The following SLC35E2B variants were observed in gnomAD, a reference collection of about 807,000 sequenced individuals.
The protein encoded by SLC35E2B is solute carrier family 35 member E2B.
Under a neutral mutation model 32.4 loss-of-function variants are expected in SLC35E2B, and 18 were observed. The observed-to-expected ratio is 0.56, with a 90% CI of 0.38 to 0.82. The LOEUF is 0.82. Ranked by LOEUF, SLC35E2B falls within the 40% of genes least tolerant of loss-of-function variation. The pLI, the probability that SLC35E2B is intolerant of heterozygous loss-of-function variation, is 0.00. For synonymous variants in SLC35E2B, 132 were observed against 209.1 expected (o/e 0.63, Z 3.18); for missense variants, 263 against 469.5 (o/e 0.56, Z 4.06).
Position 1,669,529 on chromosome 1 carries a change from A to G in SLC35E2B, c.834+135T>C, listed in dbSNP as rs111268537. On this transcript the variant is annotated intron_variant, in intron 8 of 9. Coordinates refer to ENST00000617444, the MANE Select transcript of SLC35E2B (RefSeq NM_001290264.2). ...CCCCGAGTGGCTCCCAGGGCAACTC[A>G]GCTAAGCAGGACCCGCAGCGGAGCT... 40 of 806,318 alleles carry G rather than the reference A, an allele frequency of 5.0e-5. No homozygotes were observed. The African/African-American group carries it at 5.7e-4, about 11-fold the overall frequency. The allele number at this position is 806,318 out of a possible 1,614,324, so 49.9% of individuals were successfully genotyped here. A position where few individuals can be genotyped will look rare whatever the true frequency, so the allele number is the denominator to read the frequency against.
chr1:1,692,219 T>C (rs1415176064), intron 1 of SLC35E2B, among the ~76,000 whole-genome samples: 1 of 134,796 alleles, frequency 7.4e-6, no homozygotes, highest in Non-Finnish European at 1.6e-5. Context: ...GGGGTCGCCG[T>C]GGACTCCCGG....
chr1:1,678,841 G>C (rs1445174655), intron 2 of SLC35E2B, among the ~76,000 whole-genome samples: 2 of 152,204 alleles, frequency 1.3e-5, no homozygotes, highest in Admixed American at 6.5e-5. Flanking sequence ...GAGCCAGGGA[G>C]CTAGGAGACT....
chr1:1,688,422 C>T (rs1385295452), intron 2 of SLC35E2B, among the ~76,000 whole-genome samples: 1 of 151,868 alleles, frequency 6.6e-6, no homozygotes, highest in Non-Finnish European at 1.5e-5. Flanking sequence ...CTGGCCAACA[C>T]AGTCAAACCC....
rs749969392 is a variant in SLC35E2B at position 1,665,869 on chromosome 1, C to T, written c.1131G>A (p.Ala377=). 40 of 1,550,850 alleles carry T rather than the reference C, an allele frequency of 2.6e-5. No homozygotes were observed. The highest frequency in any genetic ancestry group is 7.8e-5 in the Admixed American group (4 of 50,990). ...CAGTGGCTGCAGCCAGGCTCTGCAG[C>T]GCCTCCTGCTGGTGTTGCCTGGCTT... is the stretch of plus-strand genomic sequence containing the variant. ...YNKARQHQQE[A]LQSLAAATGR... is the part of the protein sequence containing the mutation. Residue 377 remains alanine (A), a synonymous_variant, in exon 10 of 10, where the codon GCG becomes GCA. Coordinates refer to ENST00000617444, the MANE Select transcript of SLC35E2B (RefSeq NM_001290264.2).
At chr1:1,669,143 G>C (rs1557752099) in intron 8 of SLC35E2B, among the ~76,000 whole-genome samples, 1 of 152,046 alleles carries the variant, frequency 6.6e-6, no homozygotes, top group African/African-American at 2.4e-5. Context: ...ACAGCTAATG[G>C]ATTAAAATCC....
chr1:1,677,958 G>A (rs1400761637), intron 2 of SLC35E2B, among the ~76,000 whole-genome samples: 1 of 151,184 alleles, frequency 6.6e-6, no homozygotes. Flanking sequence ...CCGCAGCACC[G>A]AGACCCCACC....
intron 5 of SLC35E2B, chr1:1,674,102 C>T (rs1643778529): frequency 1.2e-5 from 2 of 173,766 alleles, no homozygotes; most frequent in Admixed American, 6.0e-5. Flanking sequence ...AGTATGTCGT[C>T]TATTGCTTAG....
intron 9 of SLC35E2B, among the ~76,000 whole-genome samples, chr1:1,667,516 T>C (rs1191225016): frequency 6.6e-6 from 1 of 152,170 alleles, no homozygotes; most frequent in Non-Finnish European, 1.5e-5. Context: ...TCCTCCCCGT[T>C]TCTAGAGCTG....
chr1:1,665,375 C>G lies in SLC35E2B; in HGVS notation c.*407G>C, dbSNP rs1211145685. The G allele has an allele frequency of 2.3e-6, 1 of 437,786 alleles. No homozygotes were observed. The highest frequency in any genetic ancestry group is 2.0e-5 in the African/African-American group (1 of 49,466). The allele number at this position is 437,786 out of a possible 1,614,324, so 27.1% of individuals were successfully genotyped here. On this transcript the variant is annotated 3_prime_UTR_variant, in exon 10 of 10. Transcript: ENST00000617444. Reference sequence around the variant, plus strand: ...TGCCGCCGGTCCAGGGCCTCAGGGCCTTCGATGGCTGGTGTGGGAAGCCGA... The same window carrying G: ...TGCCGCCGGTCCAGGGCCTCAGGGCGTTCGATGGCTGGTGTGGGAAGCCGA...
chr1:1,685,108 C>CAA (rs202244077), intron 2 of SLC35E2B, among the ~76,000 whole-genome samples: 3 of 118,912 alleles, frequency 2.5e-5, no homozygotes, highest in Non-Finnish European at 3.4e-5. Flanking sequence ...AACTCCGTCT[C>CAA]AAAAAAAAAA....
rs1406554894 is a variant in SLC35E2B at position 1,669,677 on chromosome 1, C to T, written c.821G>A (p.Arg274Gln). Residue 274 changes from arginine to glutamine, a missense_variant, in exon 8 of 10, where the codon CGG becomes CAG. By Grantham distance (43) the Arg-to-Gln change is conservative. This residue lies in a region of SLC35E2B where 129 missense variants were observed against 164.5 expected (regional missense o/e 0.78). Transcript: ENST00000617444. Reference sequence around the variant, plus strand: ...TCTGAAACCCACCGTAAAGAAAACCCGGGCCGGGACGAGCATGGCCACCGC... The same window carrying T: ...TCTGAAACCCACCGTAAAGAAAACCTGGGCCGGGACGAGCATGGCCACCGC... The part of the protein sequence containing the change: ...AAAVAMLVPA[R>Q]VFFTDVPVIG... 13 of 1,527,088 alleles carry T rather than the reference C, an allele frequency of 8.5e-6. No individual in the cohort carries two copies. Among genetic ancestry groups the T allele is most frequent in the South Asian group, 2.4e-5 (2 of 83,480 alleles). The allele number at this position is 1,527,088 out of a possible 1,614,324, so 94.6% of individuals were successfully genotyped here.
At chr1:1,679,661 T>C (rs760203456) in intron 2 of SLC35E2B, among the ~76,000 whole-genome samples, 4 of 150,236 alleles carry the variant, frequency 2.7e-5, no homozygotes, top group African/African-American at 4.9e-5. Flanking sequence ...ACCCCGTCTC[T>C]ACTAAAAGTA....
intron 2 of SLC35E2B, among the ~76,000 whole-genome samples, chr1:1,686,311 CT>C (rs1252645121): frequency 4.9e-5 from 6 of 123,000 alleles, no homozygotes; most frequent in Admixed American, 8.7e-5. Flanking sequence ...CCTCCCTTTT[CT>C]TTTTTTTTCT....
chr1:1,674,920 C>T (rs1475724042), intron 5 of SLC35E2B, among the ~76,000 whole-genome samples: 1 of 152,238 alleles, frequency 6.6e-6, no homozygotes, highest in East Asian at 1.9e-4. Flanking sequence ...ACACTGGGTA[C>T]GCGACATGGG....
chr1:1,671,281 T>C, intron 6 of SLC35E2B: 2 of 385,910 alleles, frequency 5.2e-6, no homozygotes, highest in East Asian at 4.1e-5. Flanking sequence ...CGTGTCTCCA[T>C]GGTTAGCATT....
rs1262517016 is a variant in SLC35E2B at position 1,669,942 on chromosome 1, G to A, written c.761+156C>T. The A allele has an allele frequency of 1.1e-5, 9 of 852,530 alleles. No individual in the cohort carries two copies. In the East Asian group the frequency reaches 1.6e-4, roughly 15 times the overall value. The allele number at this position is 852,530 out of a possible 1,614,324, so 52.8% of individuals were successfully genotyped here. ...GGGCTCAAGGGAGTAGCTGAGAAAC[G>A]GGCGGGTCCCTCCCGAGCTTAGACA... On this transcript the variant is annotated intron_variant, in intron 7 of 9. Transcript: ENST00000617444.
At position 1,665,188 on chromosome 1, in the gene SLC35E2B, G is replaced by A. The variant is rs1231151169; in HGVS notation, c.*594C>T. 11 of 171,930 alleles carry A rather than the reference G, an allele frequency of 6.4e-5. No individual in the cohort carries two copies. In the Admixed American group the frequency reaches 7.0e-4, roughly 11 times the overall value. The allele number at this position is 171,930 out of a possible 1,614,324, so 10.7% of individuals were successfully genotyped here. ...TGAGTGCCGTGCAATGCTGCAGCTT[G>A]AGGCTTGCGATGCCTCTGGGATAGT... On this transcript the variant is annotated 3_prime_UTR_variant, in exon 10 of 10. Transcript: ENST00000617444.
At position 1,669,911 on chromosome 1, in the gene SLC35E2B, G is replaced by A. The variant is rs539349601; in HGVS notation, c.762-175C>T. On this transcript the variant is annotated intron_variant, in intron 7 of 9. Coordinates refer to ENST00000617444, the MANE Select transcript of SLC35E2B (RefSeq NM_001290264.2). ...GAAAACGCAAACGCACACCAGGCTG[G>A]CTGAGGGGCTCAAGGGAGTAGCTGA... The A allele has an allele frequency of 1.3e-4, 111 of 860,434 alleles. 1 individual carries two copies. The highest frequency in any genetic ancestry group is 1.2e-3 in the African/African-American group (72 of 59,848). The allele number at this position is 860,434 out of a possible 1,614,324, so 53.3% of individuals were successfully genotyped here. A position where few individuals can be genotyped will look rare whatever the true frequency, so the allele number is the denominator to read the frequency against.
chr1:1,687,148 C>T (rs548279348), intron 2 of SLC35E2B, among the ~76,000 whole-genome samples: 7 of 152,294 alleles, frequency 4.6e-5, no homozygotes, highest in East Asian at 3.9e-4. Flanking sequence ...CGGGCCCGAG[C>T]GCACAGGCTT....
Sources: allele counts gnomAD v4.1 joint callset (sites outside exome capture counted in the v4.1 genomes callset), GRCh38; gene constraint gnomAD v4.1.1; regional missense constraint gnomAD v4.1.1; transcripts MANE v1.5; gene names NCBI Gene and HGNC (gene_info 2026-07-23, HGNC 2026-07-21).